The following ABCC1 variants were observed in gnomAD, a reference collection of about 807,000 sequenced individuals.
ABCC1 encodes the protein multidrug resistance-associated protein 1.
Under a neutral mutation model 172.9 loss-of-function variants are expected in ABCC1, and 83 were observed. That is an observed-to-expected ratio of 0.48 (90% confidence interval 0.40 to 0.58). The LOEUF (loss-of-function observed/expected upper bound fraction) is 0.58, where lower values mean the gene tolerates loss of function less well. Ranked by LOEUF, ABCC1 falls within the 20% of genes least tolerant of loss-of-function variation. The probability of loss-of-function intolerance (pLI) is 0.00; values close to 1 mark genes in which losing one functional copy is unlikely to be tolerated. For synonymous variants in ABCC1, 937 were observed against 825.2 expected (o/e 1.14, Z -2.32); for missense variants, 1,817 against 2,002.7 (o/e 0.91, Z 1.77).
intron 1 of ABCC1, among the ~76,000 whole-genome samples, chr16:15,979,421 G>A (rs2046569839): frequency 6.6e-6 from 1 of 152,086 alleles, no homozygotes; most frequent in African/African-American, 2.4e-5. Context: ...TTTTGAGGAG[G>A]GTGTTAGGTG....
chr16:16,103,004 T>G (rs1220997036), intron 20 of ABCC1, among the ~76,000 whole-genome samples: 1 of 152,200 alleles, frequency 6.6e-6, no homozygotes, highest in African/African-American at 2.4e-5. Context: ...TTTGCTCAGG[T>G]CTCTTGGCGG....
intron 1 of ABCC1, among the ~76,000 whole-genome samples, chr16:15,954,567 CAG>C (rs2045945512): frequency 1.9e-5 from 1 of 51,808 alleles, no homozygotes; most frequent in Admixed American, 1.5e-4. Context: ...GGAGTGGACT[CAG>C]GGGTTCCTGG....
Position 16,009,761 on chromosome 16 carries a change from G to A in ABCC1, c.226-15G>A. 6.2e-7 allele frequency: 1 copy of A among 1,600,204 alleles called. No homozygotes were observed. Among genetic ancestry groups the A allele is most frequent in the African/African-American group, 1.3e-5 (1 of 74,326 alleles). On this transcript the variant is annotated splice_polypyrimidine_tract_variant and intron_variant, in intron 2 of 30. Coordinates refer to ENST00000399410, the MANE Select transcript of ABCC1 (RefSeq NM_004996.4). ...GGGCGGTCTGTTGTAGGATATGTAT[G>A]TGCTTCTCTTCCAGGCCTTGGGATT...
rs2048759757 is a variant in ABCC1 at position 16,036,454 on chromosome 16, C to T, written c.678-18C>T. ...TCATTGACTCTCATTGCCTAACCCCCTTGTGTCTTGGCCCCAGGTTGATTG... is the reference window on the plus strand; with the variant it reads ...TCATTGACTCTCATTGCCTAACCCCTTTGTGTCTTGGCCCCAGGTTGATTG... On this transcript the variant is annotated intron_variant, in intron 6 of 30. Coordinates refer to ENST00000399410, the MANE Select transcript of ABCC1 (RefSeq NM_004996.4). 6 of 1,609,642 alleles carry T rather than the reference C, an allele frequency of 3.7e-6. No individual in the cohort carries two copies. Among genetic ancestry groups the T allele is most frequent in the Non-Finnish European group, 5.1e-6 (6 of 1,177,656 alleles).
Position 16,136,493 on chromosome 16 carries a change from T to G in ABCC1, c.4141T>G (p.Ser1381Ala). The G allele has an allele frequency of 6.2e-7, 1 of 1,614,174 alleles. No homozygotes were observed. Among genetic ancestry groups the G allele is most frequent in the Non-Finnish European group, 8.5e-7 (1 of 1,180,042 alleles). ...TIIPQDPVLF[S>A]GSLRMNLDPF... ...CTCTGAACAGGACCCTGTTTTGTTT[T>G]CGGGTTCCCTCCGAATGAACCTGGA... Residue 1381 changes from serine to alanine, a missense_variant, in exon 29 of 31, where the codon TCG becomes GCG. By Grantham distance (99) the Ser-to-Ala change is moderately conservative (BLOSUM62 1). Around this residue, in one of 3 missense-constraint regions of ABCC1, gnomAD observed 1,412 missense variants for 1,600.3 expected, o/e 0.88. Coordinates refer to ENST00000399410, the MANE Select transcript of ABCC1 (RefSeq NM_004996.4).
chr16:15,968,167 A>G (rs2046289439), intron 1 of ABCC1, among the ~76,000 whole-genome samples: 1 of 152,122 alleles, frequency 6.6e-6, no homozygotes, highest in Admixed American at 6.6e-5. Flanking sequence ...AGCTGGGGTT[A>G]TAGGTGTGTA....
intron 1 of ABCC1, among the ~76,000 whole-genome samples, chr16:16,001,125 CAG>C (rs1303593425): frequency 6.6e-6 from 1 of 152,082 alleles, no homozygotes; most frequent in Non-Finnish European, 1.5e-5. Context: ...ATTTGGGGAA[CAG>C]GGTGGGAGAA....
chr16:16,118,119 A>G (rs1265552122), intron 23 of ABCC1, among the ~76,000 whole-genome samples: 1 of 152,334 alleles, frequency 6.6e-6, no homozygotes, highest in Middle Eastern at 3.4e-3. Context: ...AGTCTGTCCA[A>G]TTCCAAAACT....
At chr16:16,043,326 C>T (rs1446395930) in intron 7 of ABCC1, among the ~76,000 whole-genome samples, 1 of 141,516 alleles carries the variant, frequency 7.1e-6, no homozygotes, top group Non-Finnish European at 1.5e-5. Flanking sequence ...CTTTTTGAGA[C>T]TGAGTCTTTT....
Position 16,008,392 on chromosome 16 carries a change from G to T in ABCC1, c.225+400G>T, listed in dbSNP as rs888893243. Among the ~76,000 whole-genome samples the T allele has an allele frequency of 2.6e-5, 4 of 151,644 alleles. No individual in the cohort carries two copies. The South Asian group carries it at 6.3e-4, about 24-fold the overall frequency. ...ATTTTTAATTTATTTTTTGTAGAGA[G>T]GGGGGACTTGCTGTGTTGCCCGGGC... On this transcript the variant is annotated intron_variant, in intron 2 of 30. Transcript: ENST00000399410.
chr16:16,043,220 C>CCGTTTTTTTTTTTTTT (rs1437069469), intron 7 of ABCC1, among the ~76,000 whole-genome samples: 1 of 93,172 alleles, frequency 1.1e-5, no homozygotes, highest in African/African-American at 6.0e-5. Context: ...GCTGGCTGGA[C>CCGTTTTTTTTTTTTTT]TGTTTTTTTT....
At chr16:15,972,984 G>A (rs181189221) in intron 1 of ABCC1, among the ~76,000 whole-genome samples, 9 of 151,450 alleles carry the variant, frequency 5.9e-5, no homozygotes, top group African/African-American at 2.2e-4. Flanking sequence ...TTGTAGAGAT[G>A]GGGTCTCACC....
intron 1 of ABCC1, among the ~76,000 whole-genome samples, chr16:15,952,352 G>C (rs546521506): frequency 1.3e-5 from 2 of 152,128 alleles, no homozygotes; most frequent in Admixed American, 6.5e-5. Context: ...TGAGGCACCC[G>C]TGCCTGGCTC....
At chr16:15,995,256 G>T (rs2047017073) in intron 1 of ABCC1, among the ~76,000 whole-genome samples, 1 of 152,144 alleles carries the variant, frequency 6.6e-6, no homozygotes, top group Non-Finnish European at 1.5e-5. Flanking sequence ...AGTTGTGTGT[G>T]AGGATGAAAT....
intron 5 of ABCC1, among the ~76,000 whole-genome samples, chr16:16,025,784 A>G (rs1157925871): frequency 6.6e-6 from 1 of 151,834 alleles, no homozygotes; most frequent in East Asian, 1.9e-4. Context: ...AGAACACATC[A>G]CTCTGTTTGG....
At chr16:16,106,032 A>G (rs1288629191) in intron 20 of ABCC1, among the ~76,000 whole-genome samples, 1 of 151,952 alleles carries the variant, frequency 6.6e-6, no homozygotes, top group African/African-American at 2.4e-5. Context: ...GCACGGTACC[A>G]CGCCTGGCTA....
chr16:16,070,787 C>T (rs1473861549), intron 13 of ABCC1, among the ~76,000 whole-genome samples: 1 of 152,148 alleles, frequency 6.6e-6, no homozygotes, highest in African/African-American at 2.4e-5. Context: ...GCTATCTATC[C>T]CTTCATTCTT....
intron 5 of ABCC1, among the ~76,000 whole-genome samples, chr16:16,019,665 C>T (rs1278771879): frequency 2.6e-5 from 4 of 152,172 alleles, no homozygotes; most frequent in Admixed American, 6.5e-5. Context: ...CACTTCTCCC[C>T]TGGGCGTGTG....
intron 10 of ABCC1, among the ~76,000 whole-genome samples, chr16:16,049,963 G>A (rs903420146): frequency 3.3e-5 from 5 of 152,080 alleles, no homozygotes; most frequent in Non-Finnish European, 7.4e-5. Flanking sequence ...CAAAGTGTTG[G>A]AATTACAGGC....
Sources: allele counts gnomAD v4.1 joint callset (sites outside exome capture counted in the v4.1 genomes callset), GRCh38; gene constraint gnomAD v4.1.1; regional missense constraint gnomAD v4.1.1; transcripts MANE v1.5; gene names NCBI Gene and HGNC (gene_info 2026-07-23, HGNC 2026-07-21).